PPP2R2C: variants seen among roughly 807,000 people sequenced by gnomAD.
PPP2R2C encodes protein phosphatase 2, regulatory subunit B, gamma.
PPP2R2C carries 10 observed loss-of-function variants against 45.3 expected under a neutral mutation model. That is an observed-to-expected ratio of 0.22 (90% CI 0.14 to 0.37). The LOEUF is 0.37. Among genes scored for constraint, PPP2R2C ranks in the 10% least tolerant of loss-of-function variants. The pLI is 1.00. For synonymous variants in PPP2R2C, 257 were observed against 245.4 expected (o/e 1.05, Z -0.44); for missense variants, 308 against 619.7 (o/e 0.50, Z 5.34).
At chr4:6,356,789 GCC>G (rs1386025625) in intron 5 of PPP2R2C, among the ~76,000 whole-genome samples, 4 of 152,188 alleles carry the variant, frequency 2.6e-5, no homozygotes, top group African/African-American at 9.6e-5. Context: ...CCTCGGGCTA[GCC>G]TCTCAGCCTC....
intron 2 of PPP2R2C, among the ~76,000 whole-genome samples, chr4:6,505,329 G>C (rs1453728700): frequency 6.6e-6 from 1 of 152,188 alleles, no homozygotes; most frequent in Non-Finnish European, 1.5e-5. Context: ...TGGAAACACA[G>C]ATTTTCAGGA....
In PPP2R2C at chr4:6,361,905, C is replaced by G. The variant is rs1225645628; in HGVS notation, c.625+10618G>C. Among the ~76,000 whole-genome samples, 60 of 152,214 alleles carry G rather than the reference C, an allele frequency of 3.9e-4. 1 individual carries two copies. The highest frequency in any genetic ancestry group is 3.9e-3 in the Admixed American group (60 of 15,284). ...CGATGGCCTAAGAGAGACACAGGTG[C>G]TCATGTCAGAGATTTATAACGAGGC... On this transcript the variant is annotated intron_variant, in intron 5 of 8. Coordinates refer to ENST00000382599, the MANE Select transcript of PPP2R2C (RefSeq NM_020416.4).
Position 6,323,553 on chromosome 4 carries a change from A to G in PPP2R2C, c.1093T>C (p.Phe365Leu), listed in dbSNP as rs775542255. ...ACGTCCCGCTTGGTGTTCCGATCGAACATGCGGAAGAAGTTGTTGTAGGCC... is the reference window on the plus strand; with the variant it reads ...ACGTCCCGCTTGGTGTTCCGATCGAGCATGCGGAAGAAGTTGTTGTAGGCC... ...TGAYNNFFRM[F>L]DRNTKRDVTL... Residue 365 changes from phenylalanine (F) to leucine (L), a missense_variant, in exon 9 of 9, where the codon TTC (phenylalanine) becomes CTC (leucine). Coordinates refer to ENST00000382599, the MANE Select transcript of PPP2R2C (RefSeq NM_020416.4). 6.3e-7 allele frequency: 1 copy of G among 1,583,984 alleles called. No homozygotes were observed. The highest frequency in any genetic ancestry group is 8.6e-7 in the Non-Finnish European group (1 of 1,157,384).
chr4:6,405,248 C>T (rs1328221840), intron 1 of PPP2R2C, among the ~76,000 whole-genome samples: 1 of 152,194 alleles, frequency 6.6e-6, no homozygotes, highest in Non-Finnish European at 1.5e-5. Flanking sequence ...GCAGAACTCC[C>T]GCACAGCAGA....
At chr4:6,507,695 C>G (rs143339959) in intron 2 of PPP2R2C, among the ~76,000 whole-genome samples, 1 of 152,214 alleles carries the variant, frequency 6.6e-6, no homozygotes, top group African/African-American at 2.4e-5. Flanking sequence ...TTGAGCAAAT[C>G]AATGGTTGTT....
chr4:6,519,170 A>G (rs1168275219), intron 2 of PPP2R2C, among the ~76,000 whole-genome samples: 4 of 151,734 alleles, frequency 2.6e-5, no homozygotes, highest in Non-Finnish European at 4.4e-5. Context: ...CACCCTTCTG[A>G]CTCCCCTAGA....
intron 1 of PPP2R2C, among the ~76,000 whole-genome samples, chr4:6,461,347 T>C (rs34989411): frequency 0.28 from 42,429 of 152,016 alleles, 6,482 homozygotes; most frequent in East Asian, 0.42. Flanking sequence ...TGGCAAGACA[T>C]CCACCAAGAT....
At chr4:6,421,064 G>T in intron 1 of PPP2R2C, 2 of 985,212 alleles carry the variant, frequency 2.0e-6, no homozygotes, top group Non-Finnish European at 2.4e-6. Context: ...CCTATTTGGG[G>T]TGTCCACAGA....
chr4:6,495,788 C>G (rs1465721667), intron 2 of PPP2R2C, among the ~76,000 whole-genome samples: 1 of 152,216 alleles, frequency 6.6e-6, no homozygotes, highest in Non-Finnish European at 1.5e-5. Context: ...TGCTGGATAA[C>G]TTTTGCGTGG....
At chr4:6,497,593 T>C (rs950814984) in intron 2 of PPP2R2C, among the ~76,000 whole-genome samples, 3 of 152,208 alleles carry the variant, frequency 2.0e-5, no homozygotes, top group Non-Finnish European at 1.5e-5. Context: ...AGAAAACTTG[T>C]TATTATAACC....
chr4:6,341,760 T>C (rs1268333668), intron 6 of PPP2R2C, among the ~76,000 whole-genome samples: 2 of 151,840 alleles, frequency 1.3e-5, no homozygotes, highest in Admixed American at 6.6e-5. Context: ...GAAGCAGAGG[T>C]TGGAATGATG....
At chr4:6,337,162 T>G (rs1239281238) in intron 6 of PPP2R2C, among the ~76,000 whole-genome samples, 3 of 57,092 alleles carry the variant, frequency 5.3e-5, no homozygotes, top group Admixed American at 4.7e-4. Flanking sequence ...ATATATATAT[T>G]TGTAGTTTTT....
chr4:6,508,404 G>A (rs1367040508), intron 2 of PPP2R2C, among the ~76,000 whole-genome samples: 1 of 152,100 alleles, frequency 6.6e-6, no homozygotes, highest in Non-Finnish European at 1.5e-5. Flanking sequence ...GGCCAACATG[G>A]TGAAACCCTG....
At chr4:6,414,072 G>GTGTA (rs3138737) in intron 1 of PPP2R2C, 1 of 1,136,210 alleles carries the variant, frequency 8.8e-7, no homozygotes. Context: ...AGTTTTGCCT[G>GTGTA]TGTATGTGTG....
chr4:6,545,937 G>T (rs1577251096), intron 1 of PPP2R2C, among the ~76,000 whole-genome samples: 1 of 151,642 alleles, frequency 6.6e-6, no homozygotes, highest in East Asian at 2.0e-4. Flanking sequence ...GGAAGGCAAT[G>T]CCCCAGCACC....
At chr4:6,553,351 T>C (rs1379317990) in intron 1 of PPP2R2C, among the ~76,000 whole-genome samples, 1 of 152,172 alleles carries the variant, frequency 6.6e-6, no homozygotes, top group African/African-American at 2.4e-5. Flanking sequence ...GAAAAATAGA[T>C]CTACGGGTCA....
chr4:6,393,728 G>A (rs1431993723), intron 1 of PPP2R2C, among the ~76,000 whole-genome samples: 4 of 152,334 alleles, frequency 2.6e-5, no homozygotes, highest in East Asian at 1.9e-4. Context: ...GGTGGGGCCC[G>A]CCCGATGGAG....
At chr4:6,534,531 C>A (rs571126923) in intron 2 of PPP2R2C, among the ~76,000 whole-genome samples, 1 of 151,878 alleles carries the variant, frequency 6.6e-6, no homozygotes, top group East Asian at 1.9e-4. Flanking sequence ...ATAAACACAT[C>A]AATACACACA....
chr4:6,348,086 C>T, intron 5 of PPP2R2C, 76 bp from the exon 6 acceptor site: 1 of 1,548,392 alleles, frequency 6.5e-7, no homozygotes, highest in Non-Finnish European at 8.8e-7. Flanking sequence ...TTTCTGACAC[C>T]TCTCCCGAGG....
Sources: gnomAD v4.1 joint callset for allele counts (sites outside exome capture counted in the v4.1 genomes callset) on GRCh38, gnomAD v4.1.1 for gene constraint, MANE v1.5 for transcripts, NCBI Gene and HGNC (gene_info 2026-07-23, HGNC 2026-07-21) for gene names.